The following TEAD1 variants were observed in gnomAD, a reference collection of about 807,000 sequenced individuals.
TEAD1 encodes transcriptional enhancer factor TEF-1.
Under a neutral mutation model 54.9 loss-of-function variants are expected in TEAD1, and 9 were observed. That is an observed-to-expected ratio of 0.16 (90% CI 0.10 to 0.29). TEAD1 has a LOEUF of 0.29. TEAD1 is among the 10% of genes least tolerant of loss of function. The pLI is 1.00. For synonymous variants in TEAD1, 200 were observed against 187.8 expected, an observed-to-expected ratio of 1.07 and a Z score of -0.53; for missense variants, 387 against 535.9, an observed-to-expected ratio of 0.72 and a Z score of 2.74.
chr11:12,763,719 T>A (rs537444797), intron 2 of TEAD1, among the ~76,000 whole-genome samples: 1 of 152,356 alleles, frequency 6.6e-6, no homozygotes, highest in Non-Finnish European at 1.5e-5. Context: ...TATAAATTAC[T>A]TGTTCTGCTT....
chr11:12,902,220 T>C lies in TEAD1; in HGVS notation c.873+107T>C, dbSNP rs1000188749. ...GCTTTGGATTTACACTGAGTGCACC[T>C]TCATGTGCTTCTGCACAATTGCCAA... On this transcript the variant is annotated intron_variant, in intron 10 of 12. Coordinates refer to ENST00000527636, the MANE Select transcript of TEAD1 (RefSeq NM_021961.6). The C allele has an allele frequency of 8.4e-6, 12 of 1,429,554 alleles. No individual in the cohort carries two copies. In the African/African-American group the frequency reaches 1.4e-4, roughly 17 times the overall value. 88.6% of individuals were successfully genotyped at this position (1,429,554 alleles called of 1,614,324 possible).
At chr11:12,791,322 T>G (rs932851019) in intron 3 of TEAD1, among the ~76,000 whole-genome samples, 21 of 152,216 alleles carry the variant, frequency 1.4e-4, no homozygotes, top group African/African-American at 5.1e-4. Context: ...ATCTGGTGTT[T>G]CCCAGGCTTT....
intron 3 of TEAD1, among the ~76,000 whole-genome samples, chr11:12,785,557 A>G (rs561224068): frequency 5.4e-4 from 82 of 152,368 alleles, no homozygotes; most frequent in African/African-American, 1.9e-3. Flanking sequence ...AAACCAGGAT[A>G]TATAATCTTC....
intron 5 of TEAD1, among the ~76,000 whole-genome samples, chr11:12,877,720 C>T (rs1947881641): frequency 6.6e-6 from 1 of 151,668 alleles, no homozygotes; most frequent in Non-Finnish European, 1.5e-5. Flanking sequence ...TCCCCCCTCC[C>T]CTCCCTTTCC....
chr11:12,914,245 G>A (rs894565685), intron 10 of TEAD1, among the ~76,000 whole-genome samples: 4 of 152,230 alleles, frequency 2.6e-5, no homozygotes, highest in Non-Finnish European at 4.4e-5. Context: ...AGTGCCAAAT[G>A]TTTATGAAAT....
intron 3 of TEAD1, among the ~76,000 whole-genome samples, chr11:12,841,366 G>A (rs1429884478): frequency 6.6e-6 from 1 of 152,232 alleles, no homozygotes; most frequent in Non-Finnish European, 1.5e-5. Context: ...TCTGTCTGCT[G>A]TGAGTGCAGC....
At chr11:12,675,195 T>C (rs984008757) in intron 1 of TEAD1, among the ~76,000 whole-genome samples, 2 of 151,094 alleles carry the variant, frequency 1.3e-5, no homozygotes, top group Admixed American at 1.3e-4. Context: ...CGGGGTGCGC[T>C]GGGGAGCCAG....
chr11:12,743,805 T>C (rs1944692882), intron 2 of TEAD1, among the ~76,000 whole-genome samples: 1 of 152,168 alleles, frequency 6.6e-6, no homozygotes, highest in Non-Finnish European at 1.5e-5. Context: ...CAGAAGGGCA[T>C]TGGCACAGTA....
At chr11:12,851,982 C>G (rs1947284360) in intron 3 of TEAD1, among the ~76,000 whole-genome samples, 1 of 151,986 alleles carries the variant, frequency 6.6e-6, no homozygotes, top group African/African-American at 2.4e-5. Context: ...CTTGAGGTTA[C>G]AAAGCAGGAA....
At chr11:12,848,078 A>G (rs149509767) in intron 3 of TEAD1, among the ~76,000 whole-genome samples, 5 of 152,254 alleles carry the variant, frequency 3.3e-5, no homozygotes, top group African/African-American at 1.2e-4. Flanking sequence ...ATCTCTGGGC[A>G]CCTGTCTCAG....
chr11:12,740,293 A>C (rs947648743), intron 2 of TEAD1, among the ~76,000 whole-genome samples: 1 of 152,248 alleles, frequency 6.6e-6, no homozygotes, highest in South Asian at 2.1e-4. Flanking sequence ...GAGTCAGGAC[A>C]TACAAAGTGC....
Position 12,744,464 on chromosome 11 carries a change from CAG to C in TEAD1, c.-54-19714_-54-19713del, listed in dbSNP as rs573174739. Among the ~76,000 whole-genome samples the C allele has an allele frequency of 2.6e-3, 390 of 152,254 alleles. 1 individual carries two copies. The highest frequency in any genetic ancestry group is 9.1e-3 in the African/African-American group (378 of 41,524). On this transcript the variant is annotated intron_variant, in intron 2 of 12. Coordinates refer to ENST00000527636, the MANE Select transcript of TEAD1 (RefSeq NM_021961.6). ...CAGACACAGAGAAGTTTTCAGGACT[CAG>C]GAACTATTTCTGACTGTGAAATGTT...
chr11:12,938,767 T>G lies in TEAD1; in HGVS notation c.*1545T>G, dbSNP rs1949132367. ...ATGTGGCCAGATGTTTTGAGTTATT[T>G]CCCTTAAGTGTTTCACTGGGGAGAG... is the stretch of plus-strand genomic sequence containing the variant. On this transcript the variant is annotated 3_prime_UTR_variant, in exon 13 of 13. Transcript: ENST00000527636. 1 of 152,260 alleles carries G rather than the reference T, an allele frequency of 6.6e-6. No individual in the cohort carries two copies. The highest frequency in any genetic ancestry group is 1.5e-5 in the Non-Finnish European group (1 of 68,058). The allele number at this position is 152,260 out of a possible 1,614,324, so 9.4% of individuals were successfully genotyped here. A position where few individuals can be genotyped will look rare whatever the true frequency, so the allele number is the denominator to read the frequency against.
At chr11:12,891,215 C>T (rs1378241181) in intron 9 of TEAD1, among the ~76,000 whole-genome samples, 1 of 152,190 alleles carries the variant, frequency 6.6e-6, no homozygotes, top group South Asian at 2.1e-4. Flanking sequence ...CTACTATTCT[C>T]TTATGAGGCT....
At position 12,772,087 on chromosome 11, in the gene TEAD1, A is replaced by G. The variant is rs569359952; in HGVS notation, c.202+7653A>G. ...CAGGACCACATTTTTAGAGTGATAAACAAGTGAGCAGAGAATGAGGCTAAC... is the reference window on the plus strand; with the variant it reads ...CAGGACCACATTTTTAGAGTGATAAGCAAGTGAGCAGAGAATGAGGCTAAC... On this transcript the variant is annotated intron_variant, in intron 3 of 12. Coordinates refer to ENST00000527636, the MANE Select transcript of TEAD1 (RefSeq NM_021961.6). Among the ~76,000 whole-genome samples the G allele has an allele frequency of 6.3e-4, 96 of 152,300 alleles. 2 individuals carry two copies. Among genetic ancestry groups the G allele is most frequent in the South Asian group, 4.3e-3 (21 of 4,828 alleles).
In TEAD1 at chr11:12,918,696, C is replaced by T. The variant is rs186403205; in HGVS notation, c.874-6216C>T. ...TGTCCCTCAAAAGCATATTCAAGAA[C>T]GTTCATAGTAGCACTCTTCTTAATA... On this transcript the variant is annotated intron_variant, in intron 10 of 12. Coordinates refer to ENST00000527636, the MANE Select transcript of TEAD1 (RefSeq NM_021961.6). Among the ~76,000 whole-genome samples, 10 of 152,222 alleles carry T rather than the reference C, an allele frequency of 6.6e-5. No homozygotes were observed. In the East Asian group the frequency reaches 1.5e-3, roughly 23 times the overall value.
chr11:12,839,087 A>G (rs370099781), intron 3 of TEAD1, among the ~76,000 whole-genome samples: 6 of 152,024 alleles, frequency 3.9e-5, no homozygotes, highest in African/African-American at 1.2e-4. Context: ...TCTCAAAACA[A>G]TATTTTTCAT....
chr11:12,764,316 C>T lies in TEAD1; in HGVS notation c.84C>T (p.Asp28=). The T allele has an allele frequency of 6.2e-7, 1 of 1,614,190 alleles. No homozygotes were observed. The highest frequency in any genetic ancestry group is 1.1e-5 in the South Asian group (1 of 91,074). The change falls in exon 3 of 13, where the codon GAC becomes GAT. Residue 28 remains aspartate, a synonymous_variant. Transcript: ENST00000527636. ...GTGACTCTGCAGATAAGCCAATTGA[C>T]AATGATGCAGAAGGGGTCTGGAGCC...
At chr11:12,905,984 G>A (rs1948510966) in intron 10 of TEAD1, among the ~76,000 whole-genome samples, 1 of 152,140 alleles carries the variant, frequency 6.6e-6, no homozygotes, top group Non-Finnish European at 1.5e-5. Context: ...AGGCGAATGG[G>A]ATGGTGATGA....
Sources: gnomAD v4.1 joint callset for allele counts (sites outside exome capture counted in the v4.1 genomes callset) on GRCh38, gnomAD v4.1.1 for gene constraint, MANE v1.5 for transcripts, NCBI Gene and HGNC (gene_info 2026-07-23, HGNC 2026-07-21) for gene names.